The following ADGRA3 variants were observed in gnomAD, a reference collection of about 807,000 sequenced individuals.
ADGRA3 encodes adhesion G protein-coupled receptor A3, also known as G-protein coupled receptor 125.
In ADGRA3, 56 loss-of-function variants were observed where a neutral mutation model predicts 119.8. That is an observed-to-expected ratio of 0.47 (90% CI 0.38 to 0.58). The LOEUF (loss-of-function observed/expected upper bound fraction) is 0.58. Among genes scored for constraint, ADGRA3 ranks in the 20% least tolerant of loss-of-function variants. ADGRA3 has a pLI of 0.00. For missense variants in ADGRA3, 1,516 were observed against 1,649.0 expected, an observed-to-expected ratio of 0.92 and a Z score of 1.40; for synonymous variants, 607 against 623.8, an observed-to-expected ratio of 0.97 and a Z score of 0.40.
At chr4:22,506,734 A>G (rs1051454129) in intron 1 of ADGRA3, among the ~76,000 whole-genome samples, 2 of 150,510 alleles carry the variant, frequency 1.3e-5, no homozygotes, top group Non-Finnish European at 3.0e-5. Flanking sequence ...CATTTCTGAA[A>G]CTTTAGTCAA....
At chr4:22,434,066 C>T (rs1165038898) in intron 10 of ADGRA3, among the ~76,000 whole-genome samples, 1 of 151,358 alleles carries the variant, frequency 6.6e-6, no homozygotes, top group Non-Finnish European at 1.5e-5. Context: ...GTGCCTAATG[C>T]ACTAGGGCCA....
At chr4:22,441,771 A>AG (rs570329738) in intron 7 of ADGRA3, among the ~76,000 whole-genome samples, 151 of 152,338 alleles carry the variant, frequency 9.9e-4, no homozygotes, top group Middle Eastern at 6.8e-3. Context: ...AAGGATTTAA[A>AG]GCATCTACTC....
chr4:22,390,875 C>G (rs879269178), intron 17 of ADGRA3, among the ~76,000 whole-genome samples: 1 of 152,060 alleles, frequency 6.6e-6, no homozygotes, highest in Non-Finnish European at 1.5e-5. Context: ...GGTTAAGATT[C>G]CCAAGTTTCT....
At chr4:22,416,270 T>C (rs2109027756) in intron 12 of ADGRA3, among the ~76,000 whole-genome samples, 1 of 152,168 alleles carries the variant, frequency 6.6e-6, no homozygotes, top group East Asian at 1.9e-4. Context: ...ATATGGATTA[T>C]ATCAATGGAA....
At chr4:22,511,853 G>A in intron 1 of ADGRA3, among the ~76,000 whole-genome samples, 1 of 135,612 alleles carries the variant, frequency 7.4e-6, no homozygotes, top group Non-Finnish European at 1.6e-5. Flanking sequence ...TCCTCCCCTT[G>A]TTCCCTCACC....
At position 22,478,552 on chromosome 4, in the gene ADGRA3, A is replaced by G. The variant is rs188916522; in HGVS notation, c.258-4709T>C. On this transcript the variant is annotated intron_variant, in intron 1 of 18. Transcript: ENST00000334304. The stretch of plus-strand genomic sequence containing the variant: ...GGAAAAATCAGATAAACAATCAAAT[A>G]GGGTTATTGTGGCAGGTTGAATGGC... Among the ~76,000 whole-genome samples, 714 of 152,358 alleles carry G rather than the reference A, an allele frequency of 4.7e-3. 7 individuals are homozygous for G. The highest frequency in any genetic ancestry group is 5.1e-3 in the Non-Finnish European group (350 of 68,038).
intron 10 of ADGRA3, among the ~76,000 whole-genome samples, chr4:22,429,676 T>C (rs1027240668): frequency 6.6e-5 from 10 of 152,156 alleles, no homozygotes; most frequent in Admixed American, 6.5e-4. Flanking sequence ...CTCTGACAAT[T>C]TGGAAACACA....
intron 3 of ADGRA3, among the ~76,000 whole-genome samples, chr4:22,458,494 AATTCCATT>A (rs1717320526): frequency 1.3e-5 from 2 of 152,144 alleles, no homozygotes. Context: ...CGGTGTTCGT[AATTCCATT>A]AGACTGCAAA....
intron 1 of ADGRA3, among the ~76,000 whole-genome samples, chr4:22,499,355 G>C (rs1432108670): frequency 6.6e-6 from 1 of 152,208 alleles, no homozygotes; most frequent in Non-Finnish European, 1.5e-5. Flanking sequence ...TACTAGTCAG[G>C]AAAGTGAAGG....
Position 22,437,616 on chromosome 4 carries a change from C to T in ADGRA3, c.1085+640G>A, listed in dbSNP as rs148632618. On this transcript the variant is annotated intron_variant, in intron 8 of 18. Coordinates refer to ENST00000334304, the MANE Select transcript of ADGRA3 (RefSeq NM_145290.4). ...AAGTAAAGAGAGTTTAAGGTAAAAG[C>T]TGTCATCTCTTGCAAATCCTAAACT... Among the ~76,000 whole-genome samples the T allele has an allele frequency of 8.2e-3, 1,249 of 152,234 alleles. 29 individuals carry two copies. The highest frequency in any genetic ancestry group is 0.028 in the African/African-American group (1,157 of 41,532).
chr4:22,440,911 G>A (rs187612203), intron 7 of ADGRA3, among the ~76,000 whole-genome samples: 1 of 152,246 alleles, frequency 6.6e-6, no homozygotes, highest in Non-Finnish European at 1.5e-5. Flanking sequence ...CCTAATAAGG[G>A]AATTCTGCTT....
chr4:22,453,768 C>T (rs1717147299), intron 4 of ADGRA3, among the ~76,000 whole-genome samples: 1 of 152,168 alleles, frequency 6.6e-6, no homozygotes, highest in African/African-American at 2.4e-5. Flanking sequence ...CCCCTATCTG[C>T]TTTTCATACA....
intron 12 of ADGRA3, among the ~76,000 whole-genome samples, chr4:22,418,027 G>A (rs1341162022): frequency 6.6e-6 from 1 of 152,074 alleles, no homozygotes; most frequent in Non-Finnish European, 1.5e-5. Flanking sequence ...CAAAACACCA[G>A]CTTATTTCCA....
In ADGRA3 at chr4:22,388,435, G is replaced by C; in HGVS notation, c.3236C>G (p.Ser1079Cys). Reference protein sequence around the residue: ...SVQVNVQPPNSNGTNGEAPKC... With the variant: ...SVQVNVQPPNCNGTNGEAPKC... ...GGGTGCCTCTCCATTCGTCCCATTA[G>C]AGTTGGGGGGCTGGACGTTGACTTG... Residue 1079 changes from serine to cysteine, a missense_variant, in exon 19 of 19, where the codon TCT (serine) becomes TGT (cysteine). Coordinates refer to ENST00000334304, the MANE Select transcript of ADGRA3 (RefSeq NM_145290.4). 1 of 1,614,068 alleles carries C rather than the reference G, an allele frequency of 6.2e-7. No individual in the cohort carries two copies. Among genetic ancestry groups the C allele is most frequent in the Non-Finnish European group, 8.5e-7 (1 of 1,179,998 alleles).
At position 22,515,694 on chromosome 4, in the gene ADGRA3, C is replaced by G. The variant is rs751553781; in HGVS notation, c.91G>C (p.Gly31Arg). Reference protein sequence around the residue: ...LLALLALLGGGGGGGAAALPA... With the variant: ...LLALLALLGGRGGGGAAALPA... Reference sequence around the variant, plus strand: ...AGCGCCGCGGCGCCGCCGCCGCCGCCGCCTCCCAGCAGCGCGAGCAGCGCT... The same window carrying G: ...AGCGCCGCGGCGCCGCCGCCGCCGCGGCCTCCCAGCAGCGCGAGCAGCGCT... Residue 31 changes from glycine to arginine, a missense_variant, in exon 1 of 19, where the codon GGC becomes CGC. Physicochemically the swap from Gly to Arg is moderately radical, Grantham distance 125. This residue lies in a region of ADGRA3 where 428 missense variants were observed against 541.9 expected (regional missense o/e 0.79). Transcript: ENST00000334304. The G allele has an allele frequency of 9.2e-7, 1 of 1,091,642 alleles. No homozygotes were observed. The highest frequency in any genetic ancestry group is 1.7e-5 in the African/African-American group (1 of 59,076). The allele number at this position is 1,091,642 out of a possible 1,614,324, so 67.6% of individuals were successfully genotyped here. A position where few individuals can be genotyped will look rare whatever the true frequency, so the allele number is the denominator to read the frequency against.
intron 16 of ADGRA3, among the ~76,000 whole-genome samples, chr4:22,400,146 A>G (rs989187550): frequency 2.0e-5 from 3 of 152,162 alleles, no homozygotes; most frequent in African/African-American, 7.2e-5. Flanking sequence ...TAATCATATC[A>G]TCCAACAACT....
At chr4:22,409,920 G>A (rs775592047) in intron 14 of ADGRA3, among the ~76,000 whole-genome samples, 2 of 152,156 alleles carry the variant, frequency 1.3e-5, no homozygotes, top group East Asian at 1.9e-4. Context: ...AGCTTTCACT[G>A]TATGTTAATG....
At chr4:22,405,132 C>A (rs1267735867) in intron 14 of ADGRA3, among the ~76,000 whole-genome samples, 3 of 152,042 alleles carry the variant, frequency 2.0e-5, no homozygotes, top group Non-Finnish European at 4.4e-5. Context: ...ATCCCATAGC[C>A]CTTGGCAGAA....
intron 1 of ADGRA3, among the ~76,000 whole-genome samples, chr4:22,500,101 G>T (rs1037844022): frequency 6.6e-6 from 1 of 152,154 alleles, no homozygotes; most frequent in African/African-American, 2.4e-5. Flanking sequence ...TCATATTTGA[G>T]ATGGTCGACC....
Sources: allele counts gnomAD v4.1 joint callset (sites outside exome capture counted in the v4.1 genomes callset), GRCh38; gene constraint gnomAD v4.1.1; regional missense constraint gnomAD v4.1.1; transcripts MANE v1.5; gene names NCBI Gene and HGNC (gene_info 2026-07-23, HGNC 2026-07-21).